CNTN5: variants seen among roughly 807,000 people sequenced by gnomAD.
The protein encoded by CNTN5 is contactin-5.
A neutral mutation model predicts 129.1 loss-of-function variants in CNTN5; 77 were observed. The ratio of observed to expected loss-of-function variants is 0.60; its 90% CI spans 0.50 to 0.72. The LOEUF (loss-of-function observed/expected upper bound fraction) is 0.72. Ranked by LOEUF, CNTN5 falls within the 30% of genes least tolerant of loss-of-function variation. The pLI, the probability that CNTN5 is intolerant of heterozygous loss-of-function variation, is 0.00. For missense variants in CNTN5, 1,478 were observed against 1,328.8 expected, an observed-to-expected ratio of 1.11 and a Z score of -1.75; for synonymous variants, 509 against 465.6, an observed-to-expected ratio of 1.09 and a Z score of -1.20.
intron 3 of CNTN5, among the ~76,000 whole-genome samples, chr11:99,566,167 T>A (rs911418098): frequency 2.0e-5 from 3 of 152,088 alleles, no homozygotes; most frequent in Non-Finnish European, 4.4e-5. Context: ...CTCCTCTTGG[T>A]AATGGGTGAG....
rs868416804 is a variant in CNTN5, at chr11:100,308,466, G to A, written c.2728G>A (p.Glu910Lys). ...KESLGRPQGF[E>K]VGYWKDMEQE... ...GAGTCTAGGAAGACCACAGGGATTTGAGGTATGAACAGAATGATTGAAAAT... is the reference window on the plus strand; with the variant it reads ...GAGTCTAGGAAGACCACAGGGATTTAAGGTATGAACAGAATGATTGAAAAT... Residue 910 changes from glutamate (E) to lysine (K), a missense_variant and splice_region_variant, in exon 21 of 25, where the codon GAG becomes AAG. Physicochemically the swap from Glu to Lys is moderately conservative, Grantham distance 56. Coordinates refer to ENST00000524871, the MANE Select transcript of CNTN5 (RefSeq NM_014361.4). 1.9e-6 allele frequency: 3 copies of A among 1,609,834 alleles called. No individual in the cohort carries two copies. The highest frequency in any genetic ancestry group is 4.5e-5 in the East Asian group (2 of 44,754).
intron 8 of CNTN5, among the ~76,000 whole-genome samples, chr11:99,982,729 C>T (rs1217072817): frequency 6.6e-6 from 1 of 152,130 alleles, no homozygotes; most frequent in Non-Finnish European, 1.5e-5. Flanking sequence ...CAAGTTCATC[C>T]TCCCGGGTTC....
At chr11:99,905,279 C>T (rs554870702) in intron 6 of CNTN5, among the ~76,000 whole-genome samples, 15 of 152,184 alleles carry the variant, frequency 9.9e-5, no homozygotes, top group South Asian at 4.1e-4. Flanking sequence ...TTAGGTCTTA[C>T]GTTTAAGTCT....
At chr11:99,865,514 A>G (rs1290116105) in intron 6 of CNTN5, among the ~76,000 whole-genome samples, 1 of 151,928 alleles carries the variant, frequency 6.6e-6, no homozygotes, top group African/African-American at 2.4e-5. Context: ...ATATATTGAA[A>G]TGAATATGTT....
At chr11:100,041,146 C>CT (rs924021366) in intron 9 of CNTN5, among the ~76,000 whole-genome samples, 28 of 152,240 alleles carry the variant, frequency 1.8e-4, no homozygotes, top group African/African-American at 6.3e-4. Flanking sequence ...TAAATACACT[C>CT]TTTTTCTCTC....
At chr11:99,736,765 T>A (rs1943724885) in intron 3 of CNTN5, among the ~76,000 whole-genome samples, 1 of 152,156 alleles carries the variant, frequency 6.6e-6, no homozygotes, top group African/African-American at 2.4e-5. Flanking sequence ...TGTATCTATA[T>A]CTATAAAATA....
chr11:100,272,427 T>C (rs376852285), intron 18 of CNTN5, among the ~76,000 whole-genome samples: 49 of 151,708 alleles, frequency 3.2e-4, no homozygotes, highest in African/African-American at 1.1e-3. Flanking sequence ...AAGCTTATAA[T>C]CATTAAAATA....
At chr11:99,498,932 G>A (rs12417839) in intron 2 of CNTN5, among the ~76,000 whole-genome samples, 1 of 152,152 alleles carries the variant, frequency 6.6e-6, no homozygotes, top group Non-Finnish European at 1.5e-5. Context: ...CTAGGAGATG[G>A]AGGTTTGTTT....
intron 1 of CNTN5, among the ~76,000 whole-genome samples, chr11:99,184,085 T>C (rs1339196535): frequency 4.6e-5 from 7 of 152,124 alleles, no homozygotes; most frequent in Non-Finnish European, 7.4e-5. Context: ...TGTTAAAATA[T>C]ACACTGTTTT....
chr11:99,747,317 T>A (rs907501657), intron 3 of CNTN5, among the ~76,000 whole-genome samples: 11 of 152,130 alleles, frequency 7.2e-5, no homozygotes, highest in African/African-American at 2.7e-4. Flanking sequence ...TTTGGTGGAG[T>A]CTTTGCAGTT....
intron 13 of CNTN5, among the ~76,000 whole-genome samples, chr11:100,166,590 C>T (rs1274924710): frequency 2.0e-5 from 3 of 149,768 alleles, no homozygotes; most frequent in South Asian, 2.1e-4. Flanking sequence ...CCCATGCTCT[C>T]TCATGGGTTC....
At chr11:99,615,981 A>C (rs955167438) in intron 3 of CNTN5, among the ~76,000 whole-genome samples, 3 of 151,520 alleles carry the variant, frequency 2.0e-5, no homozygotes, top group Non-Finnish European at 4.4e-5. Flanking sequence ...AGTAATTTGC[A>C]CTCCTCGGCC....
At chr11:99,121,613 G>A (rs1858334072) in intron 1 of CNTN5, among the ~76,000 whole-genome samples, 1 of 152,186 alleles carries the variant, frequency 6.6e-6, no homozygotes, top group South Asian at 2.1e-4. Context: ...ACAACTCACT[G>A]CAAAATCTCA....
At chr11:99,109,962 C>A (rs1328640913) in intron 1 of CNTN5, among the ~76,000 whole-genome samples, 1 of 152,022 alleles carries the variant, frequency 6.6e-6, no homozygotes, top group Non-Finnish European at 1.5e-5. Context: ...ATGATAAGTG[C>A]TGAATTTTTA....
At chr11:99,160,240 C>A (rs1363245297) in intron 1 of CNTN5, among the ~76,000 whole-genome samples, 1 of 152,082 alleles carries the variant, frequency 6.6e-6, no homozygotes, top group Non-Finnish European at 1.5e-5. Flanking sequence ...CAGTCTTAGA[C>A]TGTTGATAAT....
At chr11:99,709,413 CTGTT>C (rs72015525) in intron 3 of CNTN5, among the ~76,000 whole-genome samples, 43,934 of 151,516 alleles carry the variant, frequency 0.29, 6,397 homozygotes, top group South Asian at 0.34. Flanking sequence ...AAGTCTCAGT[CTGTT>C]TAAGTCATGT....
chr11:99,263,493 GA>G (rs944063704), intron 1 of CNTN5, among the ~76,000 whole-genome samples: 10 of 152,046 alleles, frequency 6.6e-5, no homozygotes, highest in Non-Finnish European at 1.5e-4. Flanking sequence ...ATTTTTCAAG[GA>G]AATTTATTCT....
chr11:99,919,376 C>G (rs909444197), intron 7 of CNTN5, among the ~76,000 whole-genome samples: 1 of 152,102 alleles, frequency 6.6e-6, no homozygotes, highest in Non-Finnish European at 1.5e-5. Flanking sequence ...ACATGGAAAC[C>G]TGCTATTCTT....
intron 2 of CNTN5, among the ~76,000 whole-genome samples, chr11:99,530,826 C>T (rs893338986): frequency 2.0e-5 from 3 of 152,180 alleles, no homozygotes; most frequent in African/African-American, 7.2e-5. Flanking sequence ...TGCCTTTAGC[C>T]CTCTGCCATG....
Sources: gnomAD v4.1 joint callset for allele counts (sites outside exome capture counted in the v4.1 genomes callset) on GRCh38, gnomAD v4.1.1 for gene constraint, MANE v1.5 for transcripts, NCBI Gene and HGNC (gene_info 2026-07-23, HGNC 2026-07-21) for gene names.